Variants in LYST observed in about 807,000 individuals in gnomAD.
LYST encodes lysosomal-trafficking regulator.
A neutral mutation model predicts 413.6 loss-of-function variants in LYST; 192 were observed. The observed-to-expected ratio is 0.46, with a 90% CI of 0.41 to 0.52. The LOEUF is 0.52. Ranked by LOEUF, LYST falls within the 20% of genes least tolerant of loss-of-function variation. The pLI, the probability that LYST is intolerant of heterozygous loss-of-function variation, is 0.00. For synonymous variants in LYST, 1,525 were observed against 1,567.3 expected (o/e 0.97, Z 0.64); for missense variants, 3,815 against 4,499.9 (o/e 0.85, Z 4.35).
At chr1:235,684,326 G>A (rs1660049891) in intron 48 of LYST, among the ~76,000 whole-genome samples, 1 of 152,064 alleles carries the variant, frequency 6.6e-6, no homozygotes, top group African/African-American at 2.4e-5. Context: ...CAAAGTGTTG[G>A]CAAAAGCAAA....
chr1:235,831,044 A>G (rs2103000554), intron 2 of LYST, among the ~76,000 whole-genome samples: 1 of 152,376 alleles, frequency 6.6e-6, no homozygotes, highest in South Asian at 2.1e-4. Flanking sequence ...AATACAGAGG[A>G]AAATGTACAA....
At chr1:235,675,497 A>G (rs1659313203) in intron 50 of LYST, among the ~76,000 whole-genome samples, 1 of 152,144 alleles carries the variant, frequency 6.6e-6, no homozygotes, top group African/African-American at 2.4e-5. Flanking sequence ...CTTTCTGCAG[A>G]AGTAAATGTG....
intron 20 of LYST, 24 bp downstream of exon 20, chr1:235,770,136 A>G: frequency 6.2e-7 from 1 of 1,611,272 alleles, no homozygotes; most frequent in Non-Finnish European, 8.5e-7. Context: ...TATATTTCCA[A>G]AAGTAAAGTT....
At chr1:235,713,804 T>C (rs962179003) in intron 42 of LYST, among the ~76,000 whole-genome samples, 3 of 152,204 alleles carry the variant, frequency 2.0e-5, no homozygotes, top group Admixed American at 6.5e-5. Context: ...AGATATCACT[T>C]GAAACTAATG....
At chr1:235,727,584 T>G (rs1664000378) in intron 38 of LYST, among the ~76,000 whole-genome samples, 2 of 152,276 alleles carry the variant, frequency 1.3e-5, no homozygotes, top group East Asian at 3.8e-4. Context: ...AAAAGATAAT[T>G]CAAATAAAAA....
Position 235,806,307 on chromosome 1 carries a change from A to C in LYST, c.2829T>G (p.Cys943Trp), listed in dbSNP as rs1224422251. 6.2e-7 allele frequency: 1 copy of C among 1,613,934 alleles called. No individual in the cohort carries two copies. The highest frequency in any genetic ancestry group is 8.5e-7 in the Non-Finnish European group (1 of 1,179,972). Residue 943 changes from cysteine (C) to tryptophan (W), a missense_variant, in exon 6 of 53, where the codon TGT becomes TGG. Around this residue, in one of 4 missense-constraint regions of LYST, gnomAD observed 1,648 missense variants for 1,810.3 expected, o/e 0.91. Transcript: ENST00000389793. ...GCAAGACAAGGCTCTCGAGAGATATACATGGCAGCATATGACTTAAAGGCT... is the reference window on the plus strand; with the variant it reads ...GCAAGACAAGGCTCTCGAGAGATATCCATGGCAGCATATGACTTAAAGGCT... Reference protein sequence around the residue: ...ASEPLSHMLPCISLESLVLPS... With the variant: ...ASEPLSHMLPWISLESLVLPS...
At chr1:235,727,606 C>CA (rs1664002207) in intron 38 of LYST, among the ~76,000 whole-genome samples, 1 of 152,056 alleles carries the variant, frequency 6.6e-6, no homozygotes, top group Non-Finnish European at 1.5e-5. Flanking sequence ...CTTTATTATA[C>CA]AAAAAATATG....
intron 39 of LYST, 27 bp downstream of exon 39, chr1:235,724,001 T>C (rs769141074): frequency 1.2e-5 from 19 of 1,595,608 alleles, no homozygotes; most frequent in South Asian, 4.4e-5. Flanking sequence ...TTAAACAATA[T>C]ATATCAATTA....
chr1:235,790,628 C>T (rs1384248998), intron 12 of LYST, among the ~76,000 whole-genome samples: 4 of 152,174 alleles, frequency 2.6e-5, no homozygotes, highest in Non-Finnish European at 4.4e-5. Flanking sequence ...TCTCCATGTA[C>T]ATATAAAACC....
intron 47 of LYST, among the ~76,000 whole-genome samples, chr1:235,691,074 G>A (rs1463267190): frequency 1.3e-5 from 2 of 151,880 alleles, no homozygotes; most frequent in Admixed American, 1.3e-4. Flanking sequence ...CCGCCACCAC[G>A]CCCAGCTAAT....
intron 25 of LYST, among the ~76,000 whole-genome samples, chr1:235,753,874 A>G (rs1333121735): frequency 6.6e-6 from 1 of 152,220 alleles, no homozygotes; most frequent in Non-Finnish European, 1.5e-5. Flanking sequence ...AATGAAAAGT[A>G]GCATTGAAAC....
chr1:235,883,270 C>T (rs1063127), exon 1 of LYST: 4 of 152,400 alleles, frequency 2.6e-5, no homozygotes, highest in African/African-American at 4.8e-5. Flanking sequence ...GTAGCTGCAA[C>T]GAAACTGGTC....
intron 1 of LYST, among the ~76,000 whole-genome samples, chr1:235,842,735 G>GA (rs1326129495): frequency 6.6e-6 from 1 of 152,196 alleles, no homozygotes; most frequent in Non-Finnish European, 1.5e-5. Flanking sequence ...TTCTGGAAAT[G>GA]AAATGGTCAC....
intron 37 of LYST, among the ~76,000 whole-genome samples, chr1:235,728,355 G>A (rs1664082042): frequency 6.6e-6 from 1 of 152,002 alleles, no homozygotes; most frequent in Non-Finnish European, 1.5e-5. Context: ...AAGGTTGCAG[G>A]GAGCTCTATT....
intron 48 of LYST, among the ~76,000 whole-genome samples, chr1:235,679,243 C>A (rs1659621974): frequency 6.6e-6 from 1 of 152,138 alleles, no homozygotes; most frequent in South Asian, 2.1e-4. Flanking sequence ...GCCATTCTGG[C>A]TCTCAGATTG....
At chr1:235,757,983 G>A (rs1349358426) in intron 23 of LYST, among the ~76,000 whole-genome samples, 2 of 151,806 alleles carry the variant, frequency 1.3e-5, no homozygotes, top group African/African-American at 4.8e-5. Context: ...GCAAATATTG[G>A]TACAGGGGAA....
At chr1:235,745,856 G>A (rs979138542) in intron 29 of LYST, among the ~76,000 whole-genome samples, 1 of 152,188 alleles carries the variant, frequency 6.6e-6, no homozygotes, top group Admixed American at 6.5e-5. Context: ...ATGGAGGACA[G>A]ATTAGCAGTT....
At chr1:235,758,175 A>T (rs906589246) in intron 23 of LYST, among the ~76,000 whole-genome samples, 1 of 152,216 alleles carries the variant, frequency 6.6e-6, no homozygotes, top group Non-Finnish European at 1.5e-5. Context: ...CTCCATATAA[A>T]GTTATGGGTC....
chr1:235,762,822 A>C lies in LYST; in HGVS notation c.6151T>G (p.Ser2051Ala). 1 of 1,613,504 alleles carries C rather than the reference A, an allele frequency of 6.2e-7. No individual in the cohort carries two copies. The highest frequency in any genetic ancestry group is 8.5e-7 in the Non-Finnish European group (1 of 1,179,594). Residue 2051 changes from serine (S) to alanine (A), a missense_variant, in exon 22 of 53, where the codon TCA becomes GCA. Around this residue, in one of 4 missense-constraint regions of LYST, gnomAD observed 530 missense variants for 696.5 expected, o/e 0.76. Transcript: ENST00000389793. ...DGKIFQEKVR[S>A]IMYLRHSSSG... ...CTGGAATGCCTCAGGTACATGATTG[A>C]CCGCACTTTCTCCTGAAAGATCTTG...
Sources: gnomAD v4.1 joint callset for allele counts (sites outside exome capture counted in the v4.1 genomes callset) on GRCh38, gnomAD v4.1.1 for gene constraint, gnomAD v4.1.1 regional missense constraint, MANE v1.5 for transcripts, NCBI Gene and HGNC (gene_info 2026-07-23, HGNC 2026-07-21) for gene names.